SLC22A23: variants seen among roughly 807,000 people sequenced by gnomAD.
The protein encoded by SLC22A23 is solute carrier family 22 member 23, also known as ion transporter protein.
Under a neutral mutation model 61.0 loss-of-function variants are expected in SLC22A23, and 26 were observed. That is an observed-to-expected ratio of 0.43 (90% CI 0.31 to 0.59). SLC22A23 has a LOEUF of 0.59. Among genes scored for constraint, SLC22A23 ranks in the 20% least tolerant of loss-of-function variants. SLC22A23 has a pLI of 0.11. For synonymous variants in SLC22A23, 430 were observed against 413.9 expected (o/e 1.04, Z -0.47); for missense variants, 796 against 934.7 (o/e 0.85, Z 1.94).
chr6:3,352,867 G>A (rs978436789), intron 3 of SLC22A23, among the ~76,000 whole-genome samples: 1 of 152,106 alleles, frequency 6.6e-6, no homozygotes, highest in Non-Finnish European at 1.5e-5. Flanking sequence ...TGGACAAGCC[G>A]CGTGCCCTGC....
At position 3,318,795 on chromosome 6, in the gene SLC22A23, C is replaced by A. The variant is rs1333698032; in HGVS notation, c.1082+5039G>T. Among the ~76,000 whole-genome samples, 1 of 152,186 alleles carries A rather than the reference C, an allele frequency of 6.6e-6. No homozygotes were observed. On this transcript the variant is annotated intron_variant, in intron 4 of 9. Coordinates refer to ENST00000406686, the MANE Select transcript of SLC22A23 (RefSeq NM_015482.2). The surrounding 1 kb of genome is among the most constrained non-coding windows in gnomAD (Gnocchi z 4.3). ...GTAGGATAGCAGGACAGGACTTCAGCCTCCAGCCCTCCTGAGCTTCCATGT... is the reference window on the plus strand; with the variant it reads ...GTAGGATAGCAGGACAGGACTTCAGACTCCAGCCCTCCTGAGCTTCCATGT...
chr6:3,398,997 C>T (rs1768200338), intron 3 of SLC22A23, among the ~76,000 whole-genome samples: 1 of 152,020 alleles, frequency 6.6e-6, no homozygotes, highest in African/African-American at 2.4e-5. Flanking sequence ...CCACTGCACT[C>T]CAGCCTGGGC....
At position 3,348,088 on chromosome 6, in the gene SLC22A23, T is replaced by TA. The variant is rs562034061; in HGVS notation, c.914-24087_914-24086insT. ...GTCCCAGCTGTGGGGGACACACTTA[T>TA]CTAGTTACCTGCATGCTGTGTGTCT... is the stretch of plus-strand genomic sequence containing the variant. On this transcript the variant is annotated intron_variant, in intron 3 of 9. Transcript: ENST00000406686. Among the ~76,000 whole-genome samples the TA allele has an allele frequency of 4.4e-3, 667 of 152,344 alleles. 6 individuals are homozygous for TA. Among genetic ancestry groups the TA allele is most frequent in the African/African-American group, 0.015 (636 of 41,580 alleles).
intron 9 of SLC22A23, among the ~76,000 whole-genome samples, chr6:3,277,159 C>A (rs548951005): frequency 6.6e-6 from 1 of 152,252 alleles, no homozygotes; most frequent in South Asian, 2.1e-4. Flanking sequence ...GTAGGAGGAA[C>A]CAGAGCTGGA....
At chr6:3,395,409 C>T (rs1169450037) in intron 3 of SLC22A23, among the ~76,000 whole-genome samples, 1 of 152,200 alleles carries the variant, frequency 6.6e-6, no homozygotes, top group Admixed American at 6.5e-5. Context: ...GGACTGTGCC[C>T]ATCCATCTTG....
intron 3 of SLC22A23, among the ~76,000 whole-genome samples, chr6:3,405,619 T>A (rs953115452): frequency 1.1e-4 from 6 of 54,802 alleles, no homozygotes; most frequent in East Asian, 8.1e-4. Context: ...CTCAGTCAAA[T>A]TTTTTTTTTT....
chr6:3,359,312 A>T (rs1200271038), intron 3 of SLC22A23, among the ~76,000 whole-genome samples: 1 of 152,232 alleles, frequency 6.6e-6, no homozygotes, highest in Non-Finnish European at 1.5e-5. Context: ...TGGTGTTGCC[A>T]CGTTTATTCT....
At position 3,269,071 on chromosome 6, in the gene SLC22A23, CAG is replaced by C. The variant is rs1561846682; in HGVS notation, c.*3982_*3983del. 2.0e-5 allele frequency: 3 copies of C among 152,328 alleles called. No individual in the cohort carries two copies. The highest frequency in any genetic ancestry group is 4.4e-5 in the Non-Finnish European group (3 of 68,034). The allele number at this position is 152,328 out of a possible 1,614,324, so 9.4% of individuals were successfully genotyped here. The stretch of plus-strand genomic sequence containing the variant: ...TTACCAGTCTTTCCTCACAGAATCA[CAG>C]TGTAAGATATTCATTTCTTGACGTC... On this transcript the variant is annotated 3_prime_UTR_variant, in exon 10 of 10. Transcript: ENST00000406686.
Position 3,269,958 on chromosome 6 carries a change from T to G in SLC22A23, c.*3097A>C, listed in dbSNP as rs946254565. ...AGCCAAACCAATTTACCAGCCCGTC[T>G]TCCAGATGCAGGTGATCTTACTCTC... is the stretch of plus-strand genomic sequence containing the variant. On this transcript the variant is annotated 3_prime_UTR_variant, in exon 10 of 10. Transcript: ENST00000406686. The G allele has an allele frequency of 6.5e-6, 1 of 152,836 alleles. No individual in the cohort carries two copies. The highest frequency in any genetic ancestry group is 1.5e-5 in the Non-Finnish European group (1 of 68,050). 9.5% of individuals were successfully genotyped at this position (152,836 alleles called of 1,614,324 possible).
intron 5 of SLC22A23, among the ~76,000 whole-genome samples, chr6:3,292,567 G>A (rs1026637059): frequency 4.6e-5 from 7 of 152,160 alleles, no homozygotes; most frequent in African/African-American, 7.2e-5. Context: ...CAAAACCCAC[G>A]TCGAGCCGAC....
intron 9 of SLC22A23, among the ~76,000 whole-genome samples, chr6:3,280,665 T>G (rs1037984329): frequency 3.3e-4 from 50 of 151,708 alleles, no homozygotes; most frequent in Middle Eastern, 3.4e-3. Flanking sequence ...CCGGCTAATT[T>G]TTTTTGTATT....
At chr6:3,388,992 G>T (rs1045022808) in intron 3 of SLC22A23, among the ~76,000 whole-genome samples, 1 of 152,068 alleles carries the variant, frequency 6.6e-6, no homozygotes, top group Admixed American at 6.5e-5. Context: ...GTGGCTGCGG[G>T]CGTGGTGGCT....
chr6:3,418,447 G>A (rs1025668203), intron 1 of SLC22A23, among the ~76,000 whole-genome samples: 1 of 152,238 alleles, frequency 6.6e-6, no homozygotes, highest in Non-Finnish European at 1.5e-5. Context: ...ACCAGACCTG[G>A]CCTTGGGCAG....
At chr6:3,298,269 C>T in intron 4 of SLC22A23, 51 bp from the exon 5 acceptor site, 5 of 1,554,592 alleles carry the variant, frequency 3.2e-6, no homozygotes, top group Non-Finnish European at 4.3e-6. Context: ...CTGCACGGCA[C>T]CGGGAAGTGT....
intron 9 of SLC22A23, among the ~76,000 whole-genome samples, chr6:3,279,611 T>G (rs1004777735): frequency 2.6e-5 from 4 of 151,498 alleles, no homozygotes; most frequent in South Asian, 2.1e-4. Flanking sequence ...TTGTTTTTTT[T>G]TCTCTCTTGA....
chr6:3,308,705 G>A lies in SLC22A23; in HGVS notation c.1083-10487C>T, dbSNP rs1762155897. ...CACACCTGTAATCCCAGTACTTTGG[G>A]AGGTCGAGGTGGGTGGATCATGAGG... is the stretch of plus-strand genomic sequence containing the variant. On this transcript the variant is annotated intron_variant, in intron 4 of 9. Transcript: ENST00000406686. The surrounding 1 kb of genome is among the most constrained non-coding windows in gnomAD (Gnocchi z 5.1). Among the ~76,000 whole-genome samples the A allele has an allele frequency of 6.6e-6, 1 of 152,204 alleles. No individual in the cohort carries two copies. Among genetic ancestry groups the A allele is most frequent in the South Asian group, 2.1e-4 (1 of 4,830 alleles).
intron 2 of SLC22A23, among the ~76,000 whole-genome samples, chr6:3,413,775 C>A (rs1464394429): frequency 2.6e-5 from 4 of 152,158 alleles, no homozygotes; most frequent in African/African-American, 9.7e-5. Flanking sequence ...GGTTTATTTC[C>A]TTTTAAGCAA....
At chr6:3,421,055 G>A (rs536509084) in intron 1 of SLC22A23, among the ~76,000 whole-genome samples, 1 of 151,882 alleles carries the variant, frequency 6.6e-6, no homozygotes, top group Admixed American at 6.6e-5. Context: ...GAGCAAGACT[G>A]CGCCACTGCA....
In SLC22A23 at chr6:3,297,062, GT is replaced by G. The variant is rs1306245127; in HGVS notation, c.1210+1028del. 6.6e-6 allele frequency among the ~76,000 whole-genome samples: 1 copy of G among 152,218 alleles called. No individual in the cohort carries two copies. The highest frequency in any genetic ancestry group is 1.5e-5 in the Non-Finnish European group (1 of 68,040). ...CCACCCTCTATCCCACAGCCCTGCT[GT>G]TTCATCCCTCCTGACGTATGCACGT... On this transcript the variant is annotated intron_variant, in intron 5 of 9. Transcript: ENST00000406686. This position sits in a 1 kb window ranked among gnomAD's most constrained non-coding sequence, Gnocchi z 4.3.
Sources: allele counts gnomAD v4.1 joint callset (sites outside exome capture counted in the v4.1 genomes callset), GRCh38; gene constraint gnomAD v4.1.1; non-coding constraint Gnocchi (gnomAD v3.1); transcripts MANE v1.5; gene names NCBI Gene and HGNC (gene_info 2026-07-23, HGNC 2026-07-21).